The following FNBP1 variants were observed in gnomAD, a reference collection of about 807,000 sequenced individuals.
FNBP1 encodes the protein formin binding protein 1, also known as formin-binding protein 1.
FNBP1 carries 26 observed loss-of-function variants against 90.6 expected under a neutral mutation model. The ratio of observed to expected loss-of-function variants is 0.29; its 90% CI spans 0.21 to 0.40. The LOEUF is 0.40. Ranked by LOEUF, FNBP1 falls within the 10% of genes least tolerant of loss-of-function variation. The pLI, the probability that FNBP1 is intolerant of heterozygous loss-of-function variation, is 1.00. For missense variants in FNBP1, 635 were observed against 768.0 expected, an observed-to-expected ratio of 0.83 and a Z score of 2.05; for synonymous variants, 260 against 265.2, an observed-to-expected ratio of 0.98 and a Z score of 0.19.
chr9:129,907,584 T>A lies in FNBP1; in HGVS notation c.1295+1306A>T, dbSNP rs1295238091. 1.2e-3 allele frequency among the ~76,000 whole-genome samples: 3 copies of A among 2,580 alleles called. No homozygotes were observed. In the Admixed American group the frequency reaches 0.023, roughly 20 times the overall value. 1.7% of individuals were successfully genotyped at this position (2,580 alleles called of 152,430 possible). On this transcript the variant is annotated intron_variant, in intron 12 of 16. Transcript: ENST00000446176. ...TTAGCTCTTGCTAGGAGTGAGGGTG[T>A]GTGTGTGTGTGTGTGTGTGTGTGTG...
chr9:130,050,824 T>TG, the FNBP1 span, among the ~76,000 whole-genome samples: 1 of 28,826 alleles, frequency 3.5e-5, no homozygotes. Context: ...GTTTTTTTTT[T>TG]GTTTTTTTGT....
the FNBP1 span, among the ~76,000 whole-genome samples, chr9:130,049,074 C>A: frequency 1.3e-5 from 2 of 152,024 alleles, no homozygotes. Flanking sequence ...CCACCACTCC[C>A]GGCCAGTTTC....
At chr9:129,968,226 C>A (rs2133169594) in intron 4 of FNBP1, among the ~76,000 whole-genome samples, 1 of 152,120 alleles carries the variant, frequency 6.6e-6, no homozygotes, top group Non-Finnish European at 1.5e-5. Flanking sequence ...GAAACCTCGT[C>A]TGTACTAAAA....
At chr9:130,022,117 C>A (rs767347450) in intron 1 of FNBP1, among the ~76,000 whole-genome samples, 1 of 152,122 alleles carries the variant, frequency 6.6e-6, no homozygotes, top group African/African-American at 2.4e-5. Flanking sequence ...CCTCAGCCTC[C>A]CAAAGTGCTA....
At chr9:129,971,752 C>T (rs1017446775) in intron 4 of FNBP1, among the ~76,000 whole-genome samples, 6 of 152,176 alleles carry the variant, frequency 3.9e-5, no homozygotes, top group South Asian at 2.1e-4. Flanking sequence ...GCAAGAATGC[C>T]GTACAACAAA....
intron 9 of FNBP1, 75 bp downstream of exon 9, chr9:129,924,885 A>T: frequency 8.0e-7 from 1 of 1,256,022 alleles, no homozygotes; most frequent in Non-Finnish European, 1.1e-6. Context: ...TTAGGATCTT[A>T]GTTTTTCTAA....
At chr9:129,951,486 G>C (rs1309699893) in intron 6 of FNBP1, among the ~76,000 whole-genome samples, 1 of 151,968 alleles carries the variant, frequency 6.6e-6, no homozygotes, top group Non-Finnish European at 1.5e-5. Flanking sequence ...ATGTCACCTA[G>C]GCTGGAGTGC....
chr9:129,971,522 C>T (rs1248845140), intron 4 of FNBP1, among the ~76,000 whole-genome samples: 1 of 152,146 alleles, frequency 6.6e-6, no homozygotes, highest in African/African-American at 2.4e-5. Context: ...TCCAGAGTAG[C>T]TGGGACTACA....
chr9:130,016,513 G>A (rs1477201138), intron 1 of FNBP1, among the ~76,000 whole-genome samples: 2 of 152,200 alleles, frequency 1.3e-5, no homozygotes, highest in Non-Finnish European at 2.9e-5. Flanking sequence ...GGAGGCCGAG[G>A]CTGGCGGATC....
Position 129,957,006 on chromosome 9 carries a change from AG to A in FNBP1, c.513+353del, listed in dbSNP as rs1293233983. ...TGGGTGGTCGGTGATGAACACTCAC[AG>A]GGGAAATGAAAGACACACTTGAGCT... On this transcript the variant is annotated intron_variant, in intron 6 of 16. Transcript: ENST00000446176. The surrounding 1 kb of genome is among the most constrained non-coding windows in gnomAD (Gnocchi z 4.3). 6.6e-6 allele frequency among the ~76,000 whole-genome samples: 1 copy of A among 150,774 alleles called. No individual in the cohort carries two copies. Among genetic ancestry groups the A allele is most frequent in the Non-Finnish European group, 1.5e-5 (1 of 67,836 alleles).
At chr9:130,011,319 C>T (rs2056582290) in intron 1 of FNBP1, among the ~76,000 whole-genome samples, 1 of 129,068 alleles carries the variant, frequency 7.7e-6, no homozygotes, top group African/African-American at 2.9e-5. Flanking sequence ...TACAAGTAGA[C>T]AGAAACAAAC....
Position 129,902,915 on chromosome 9 carries a change from A to C in FNBP1, c.1382T>G (p.Val461Gly). The C allele has an allele frequency of 6.2e-7, 1 of 1,613,292 alleles. No individual in the cohort carries two copies. The highest frequency in any genetic ancestry group is 2.2e-5 in the East Asian group (1 of 44,872). ...TCGCAGTTTCTCTATATTTTGGCTG[A>C]CTTCTGCTAATTTGTGATCCAAACT... is the stretch of plus-strand genomic sequence containing the variant. ...PASLDHKLAE[V>G]SQNIEKLRVE... Residue 461 changes from valine to glycine, a missense_variant, in exon 13 of 17, where the codon GTC (valine) becomes GGC (glycine). Val to Gly is a moderately radical substitution (Grantham distance 109). Transcript: ENST00000446176.
Position 129,887,615 on chromosome 9 carries a change from GC to G in FNBP1, c.*2923del, listed in dbSNP as rs2034831133. On this transcript the variant is annotated 3_prime_UTR_variant, in exon 17 of 17. Transcript: ENST00000446176. ...GCTGCGCTGGTTAGACAAGCCGCAG[GC>G]TTATCTCCACGGTGAGCAGGATAAA... The G allele has an allele frequency of 9.2e-6, 2 of 217,110 alleles. No individual in the cohort carries two copies. Among genetic ancestry groups the G allele is most frequent in the South Asian group, 3.7e-4 (2 of 5,384 alleles). 13.4% of individuals were successfully genotyped at this position (217,110 alleles called of 1,614,324 possible). A position where few individuals can be genotyped will look rare whatever the true frequency, so the allele number is the denominator to read the frequency against.
Position 129,978,487 on chromosome 9 carries a change from T to G in FNBP1, c.323A>C (p.Glu108Ala). The change falls in exon 4 of 17, where the codon GAA (glutamate) becomes GCA (alanine). Residue 108 changes from glutamate (E) to alanine (A), a missense_variant. Physicochemically the swap from Glu to Ala is moderately radical, Grantham distance 107. Transcript: ENST00000446176. ...IIVDLARYVQ[E>A]LKQERKSNFH... Reference sequence around the variant, plus strand: ...TACTGATTTCCTCTCCTGTTTCAGTTCCTGAACATAGCGTGCCAAGTCCAC... The same window carrying G: ...TACTGATTTCCTCTCCTGTTTCAGTGCCTGAACATAGCGTGCCAAGTCCAC... 6.2e-7 allele frequency: 1 copy of G among 1,613,860 alleles called. No homozygotes were observed. Among genetic ancestry groups the G allele is most frequent in the Non-Finnish European group, 8.5e-7 (1 of 1,179,786 alleles).
chr9:129,892,401 ACACACACACACAC>A (rs1564242504), intron 16 of FNBP1, among the ~76,000 whole-genome samples: 46 of 147,228 alleles, frequency 3.1e-4, no homozygotes, highest in African/African-American at 9.8e-4. Context: ...ACACACACAC[ACACACACACACAC>A]ACAAAAAGGT....
chr9:129,937,095 G>A (rs892069896), intron 6 of FNBP1, among the ~76,000 whole-genome samples: 5 of 151,776 alleles, frequency 3.3e-5, no homozygotes, highest in Non-Finnish European at 5.9e-5. Context: ...GCTTGAACCC[G>A]GGAGACAGAG....
rs762892081 is a variant in FNBP1 at position 129,900,420 on chromosome 9, C to T, written c.1550+6G>A. 1.9e-6 allele frequency: 3 copies of T among 1,576,516 alleles called. No homozygotes were observed. The highest frequency in any genetic ancestry group is 2.6e-6 in the Non-Finnish European group (3 of 1,164,588). On this transcript the variant is annotated splice_donor_region_variant and intron_variant, in intron 14 of 16. Coordinates refer to ENST00000446176, the MANE Select transcript of FNBP1 (RefSeq NM_015033.3). This position sits in a 1 kb window ranked among gnomAD's most constrained non-coding sequence, Gnocchi z 4.1. The stretch of plus-strand genomic sequence containing the variant: ...GCCAGAGGCAGGCGCTGTGCAGATA[C>T]TGTACCTCTCACGGTCCTGGGCGCA...
intron 9 of FNBP1, among the ~76,000 whole-genome samples, chr9:129,924,289 G>C (rs2041557812): frequency 6.6e-6 from 1 of 152,232 alleles, no homozygotes; most frequent in South Asian, 2.1e-4. Context: ...GCAAACTATA[G>C]CTCTAGTTAG....
chr9:130,020,836 C>A (rs1026701980), intron 1 of FNBP1, among the ~76,000 whole-genome samples: 1 of 152,104 alleles, frequency 6.6e-6, no homozygotes, highest in Non-Finnish European at 1.5e-5. Flanking sequence ...AGCTTTCAGG[C>A]CTTCGTTCCC....
Sources: allele counts gnomAD v4.1 joint callset (sites outside exome capture counted in the v4.1 genomes callset), GRCh38; gene constraint gnomAD v4.1.1; non-coding constraint Gnocchi (gnomAD v3.1); transcripts MANE v1.5; gene names NCBI Gene and HGNC (gene_info 2026-07-23, HGNC 2026-07-21).